RPL23A: variants seen among roughly 807,000 people sequenced by gnomAD.
RPL23A encodes ribosomal protein L23a.
RPL23A carries 2 observed loss-of-function variants against 17.6 expected under a neutral mutation model. The ratio of observed to expected loss-of-function variants is 0.11; its 90% CI spans 0.05 to 0.36. The LOEUF (loss-of-function observed/expected upper bound fraction) is 0.36, where lower values mean the gene tolerates loss of function less well. Ranked by LOEUF, RPL23A falls within the 10% of genes least tolerant of loss-of-function variation. The pLI, the probability that RPL23A is intolerant of heterozygous loss-of-function variation, is 1.00. For synonymous variants in RPL23A, 65 were observed against 74.3 expected, an observed-to-expected ratio of 0.87 and a Z score of 0.65; for missense variants, 132 against 194.4, an observed-to-expected ratio of 0.68 and a Z score of 1.91.
intron 1 of RPL23A, 96 bp downstream of exon 1, chr17:28,720,126 G>C: frequency 6.5e-7 from 1 of 1,530,898 alleles, no homozygotes; most frequent in South Asian, 1.2e-5. Context: ...TAAGCCCTGA[G>C]GGCTCTGCTC....
rs773484097 is a variant in RPL23A at position 28,720,575 on chromosome 17, C to T, written c.26-132C>T. 1.6e-4 allele frequency: 227 copies of T among 1,375,930 alleles called. 1 individual carries two copies. In the East Asian group the frequency reaches 4.9e-3, roughly 30 times the overall value. 85.2% of individuals were successfully genotyped at this position (1,375,930 alleles called of 1,614,324 possible). A position where few individuals can be genotyped will look rare whatever the true frequency, so the allele number is the denominator to read the frequency against. ...GTGCATATGATGGAAAAGTTTTAAT[C>T]TCCTGACACTTGTGATGTCTTCAAA... On this transcript the variant is annotated intron_variant, in intron 1 of 4. Coordinates refer to ENST00000422514, the MANE Select transcript of RPL23A (RefSeq NM_000984.6).
At chr17:28,721,692 G>GT (rs2034117332) in intron 2 of RPL23A, 1 of 152,150 alleles carries the variant, frequency 6.6e-6, no homozygotes, top group Admixed American at 6.6e-5. Context: ...TGAGCTATCG[G>GT]TAATAACTGA....
chr17:28,723,016 G>T, intron 3 of RPL23A, 117 bp downstream of exon 3: 1 of 747,802 alleles, frequency 1.3e-6, no homozygotes, highest in African/African-American at 1.7e-5. Flanking sequence ...AGGACTACAC[G>T]TGTAGTCCGA....
chr17:28,723,926 T>TA lies in RPL23A; in HGVS notation c.*45_*46insA. ...TTCTGAATATATATATATATATATCTTTTCACCATATACATGCCTGTCTGT... is the reference window on the plus strand; with the variant it reads ...TTCTGAATATATATATATATATATCTATTTCACCATATACATGCCTGTCTGT... On this transcript the variant is annotated 3_prime_UTR_variant, in exon 5 of 5. Transcript: ENST00000422514. 1 of 1,344,642 alleles carries TA rather than the reference T, an allele frequency of 7.4e-7. No homozygotes were observed. Among genetic ancestry groups the TA allele is most frequent in the South Asian group, 1.4e-5 (1 of 73,364 alleles). 83.3% of individuals were successfully genotyped at this position (1,344,642 alleles called of 1,614,324 possible). A position where few individuals can be genotyped will look rare whatever the true frequency, so the allele number is the denominator to read the frequency against.
chr17:28,720,646 T>G (rs1216925313), intron 1 of RPL23A, 61 bp from the exon 2 acceptor site: 1 of 1,580,884 alleles, frequency 6.3e-7, no homozygotes, highest in Non-Finnish European at 8.7e-7. Flanking sequence ...CTGCAGTTCT[T>G]GGGGCCGGAA....
At chr17:28,720,255 G>T in intron 1 of RPL23A, 1 of 1,541,864 alleles carries the variant, frequency 6.5e-7, no homozygotes, top group African/African-American at 1.4e-5. Flanking sequence ...GGCATCATCC[G>T]CCAGGGAGGG....
intron 3 of RPL23A, 74 bp from the exon 4 acceptor site, chr17:28,723,497 G>C: frequency 2.9e-6 from 3 of 1,023,940 alleles, no homozygotes; most frequent in South Asian, 1.3e-5. Flanking sequence ...AAGTGCCGGA[G>C]GACTGGAGGA....
intron 4 of RPL23A, 29 bp from the exon 5 acceptor site, chr17:28,723,838 C>T (rs79613603): frequency 1.1e-5 from 18 of 1,600,520 alleles, no homozygotes; most frequent in African/African-American, 1.1e-4. Context: ...ATTTCAACTC[C>T]AGTAACGAGG....
intron 3 of RPL23A, 95 bp downstream of exon 3, chr17:28,722,994 T>A: frequency 1.1e-6 from 1 of 930,990 alleles, no homozygotes. Flanking sequence ...GTTTAGGTAG[T>A]CCTGGTAATG....
At chr17:28,722,459 G>A (rs2034132528) in intron 2 of RPL23A, 1 of 577,630 alleles carries the variant, frequency 1.7e-6, no homozygotes, top group Admixed American at 1.9e-5. Flanking sequence ...ATACAGCCAT[G>A]AGCCAGCACA....
At chr17:28,723,669 T>C (rs377285111) in intron 4 of RPL23A, 29 bp downstream of exon 4, 1 of 1,601,350 alleles carries the variant, frequency 6.2e-7, no homozygotes, top group Admixed American at 1.7e-5. Flanking sequence ...AACCCCTTAA[T>C]GCTCACCCCT....
chr17:28,722,992 A>T lies in RPL23A; in HGVS notation c.386+93A>T, dbSNP rs147215385. 12 of 954,144 alleles carry T rather than the reference A, an allele frequency of 1.3e-5. No individual in the cohort carries two copies. The East Asian group carries it at 2.8e-4, about 22-fold the overall frequency. 59.1% of individuals were successfully genotyped at this position (954,144 alleles called of 1,614,324 possible). ...CCATGAAGCTTTTTGATGTTTAGGT[A>T]GTCCTGGTAATGCAGGACTACACGT... On this transcript the variant is annotated intron_variant, in intron 3 of 4. Coordinates refer to ENST00000422514, the MANE Select transcript of RPL23A (RefSeq NM_000984.6).
rs74987159 is a variant in RPL23A, at chr17:28,720,448, A to G, written c.26-259A>G. The G allele has an allele frequency of 8.8e-3, 14,160 of 1,611,950 alleles. 462 individuals are homozygous for G. Among genetic ancestry groups the G allele is most frequent in the African/African-American group, 0.08 (6,037 of 75,010 alleles). ...GCGATGGGGTATGTGTAAAATTCGT[A>G]GGACATTTTCTGGAAAGTATCAAGC... On this transcript the variant is annotated intron_variant, in intron 1 of 4. Transcript: ENST00000422514.
At chr17:28,721,101 C>A (rs906533485) in intron 2 of RPL23A, 12 of 474,370 alleles carry the variant, frequency 2.5e-5, no homozygotes, top group Non-Finnish European at 3.5e-5. Context: ...TCTGTAATCC[C>A]AGCACTTTGG....
At chr17:28,723,530 A>G (rs1248674219) in intron 3 of RPL23A, 41 bp from the exon 4 acceptor site, 2 of 1,438,404 alleles carry the variant, frequency 1.4e-6, no homozygotes, top group South Asian at 2.3e-5. Flanking sequence ...GTGTGGGGGC[A>G]GTGAGGGTGG....
chr17:28,720,105 G>A (rs1381162361), intron 1 of RPL23A, 75 bp downstream of exon 1: 4 of 1,540,074 alleles, frequency 2.6e-6, no homozygotes, highest in Non-Finnish European at 3.5e-6. Context: ...TTGGGAACAC[G>A]GCTGCTGGGC....
intron 3 of RPL23A, 116 bp from the exon 4 acceptor site, chr17:28,723,455 G>T: frequency 1.2e-6 from 1 of 826,998 alleles, no homozygotes; most frequent in South Asian, 1.3e-5. Flanking sequence ...AATCATTATT[G>T]GAAAAGAATG....
In RPL23A at chr17:28,721,115, G is replaced by A. The variant is rs533453476; in HGVS notation, c.209+225G>A. 1.1e-4 allele frequency: 46 copies of A among 433,028 alleles called. No individual in the cohort carries two copies. The Middle Eastern group carries it at 2.0e-3, about 19-fold the overall frequency. 26.8% of individuals were successfully genotyped at this position (433,028 alleles called of 1,614,324 possible). A position where few individuals can be genotyped will look rare whatever the true frequency, so the allele number is the denominator to read the frequency against. ...GTCTGTAATCCCAGCACTTTGGGAG[G>A]CCGAGGGGGGGCGGATCACTTGAGG... On this transcript the variant is annotated intron_variant, in intron 2 of 4. Coordinates refer to ENST00000422514, the MANE Select transcript of RPL23A (RefSeq NM_000984.6).
Position 28,723,903 on chromosome 17 carries a change from C to G in RPL23A, c.*22C>G, listed in dbSNP as rs999186855. ...CTAAACTGAGTCCAGCTGCCTAATTCTGAATATATATATATATATATCTTT... is the reference window on the plus strand; with the variant it reads ...CTAAACTGAGTCCAGCTGCCTAATTGTGAATATATATATATATATATCTTT... On this transcript the variant is annotated 3_prime_UTR_variant, in exon 5 of 5. Transcript: ENST00000422514. 2.6e-5 allele frequency: 40 copies of G among 1,535,226 alleles called. No individual in the cohort carries two copies. Among genetic ancestry groups the G allele is most frequent in the Non-Finnish European group, 3.5e-5 (39 of 1,115,000 alleles).
Sources: allele counts gnomAD v4.1 joint callset, GRCh38; gene constraint gnomAD v4.1.1; transcripts MANE v1.5; gene names NCBI Gene and HGNC (gene_info 2026-07-23, HGNC 2026-07-21).